The following RNF2 variants were observed in gnomAD, a reference collection of about 807,000 sequenced individuals.
RNF2 encodes the protein ring finger protein 2, also known as E3 ubiquitin-protein ligase RING2.
RNF2 carries 6 observed loss-of-function variants against 37.2 expected under a neutral mutation model. That is an observed-to-expected ratio of 0.16 (90% CI 0.09 to 0.32). RNF2 has a LOEUF of 0.32. Ranked by LOEUF, RNF2 falls within the 10% of genes least tolerant of loss-of-function variation. The pLI is 1.00. For synonymous variants in RNF2, 133 were observed against 132.7 expected (o/e 1.00, Z -0.02); for missense variants, 251 against 404.0 (o/e 0.62, Z 3.25).
intron 1 of RNF2, among the ~76,000 whole-genome samples, chr1:185,048,876 A>G (rs1242004885): frequency 6.6e-6 from 1 of 152,072 alleles, no homozygotes; most frequent in Non-Finnish European, 1.5e-5. Flanking sequence ...TGTTTCTTTG[A>G]GCACTGCGTG....
chr1:185,055,805 T>C (rs972264077), intron 1 of RNF2, among the ~76,000 whole-genome samples: 10 of 152,216 alleles, frequency 6.6e-5, no homozygotes, highest in Non-Finnish European at 1.0e-4. Context: ...GGAAGTTATA[T>C]CTGTTGTTTA....
chr1:185,076,440 G>A (rs1651167670), intron 1 of RNF2, among the ~76,000 whole-genome samples: 1 of 150,842 alleles, frequency 6.6e-6, no homozygotes, highest in East Asian at 1.9e-4. Context: ...ACAGGCGCGT[G>A]CCTCCATGCC....
intron 1 of RNF2, among the ~76,000 whole-genome samples, chr1:185,050,486 T>C (rs1015367273): frequency 6.6e-6 from 1 of 152,244 alleles, no homozygotes; most frequent in Non-Finnish European, 1.5e-5. Flanking sequence ...CACATAATTA[T>C]TATTTTGTAT....
At position 185,098,234 on chromosome 1, in the gene RNF2, T is replaced by C. The variant is rs1651968460; in HGVS notation, c.627T>C (p.Asn209=). ...TSDDSGLELD[N]NNAAMAIDPV... ...ATGATTCTGGGCTAGAGCTTGATAA[T>C]AACAATGCAGCAATGGCAATTGATC... Residue 209 remains asparagine, a synonymous_variant, in exon 5 of 7, where the codon AAT becomes AAC. Transcript: ENST00000367510. The C allele has an allele frequency of 3.1e-6, 5 of 1,614,154 alleles. No individual in the cohort carries two copies. Among genetic ancestry groups the C allele is most frequent in the East Asian group, 2.2e-5 (1 of 44,882 alleles).
At chr1:185,063,346 C>T (rs571823601) in intron 1 of RNF2, among the ~76,000 whole-genome samples, 1 of 152,146 alleles carries the variant, frequency 6.6e-6, no homozygotes, top group Non-Finnish European at 1.5e-5. Flanking sequence ...GAAATGCAAC[C>T]TTGGTATCAG....
intron 3 of RNF2, among the ~76,000 whole-genome samples, 167 bp from the exon 4 acceptor site, chr1:185,092,893 AC>A (rs1651810204): frequency 6.6e-6 from 1 of 152,240 alleles, no homozygotes; most frequent in East Asian, 1.9e-4. Flanking sequence ...AATCTTGCTT[AC>A]CCACTAGTCA....
chr1:185,101,654 A>C lies in RNF2; in HGVS notation c.*1353A>C, dbSNP rs1652080047. 1 of 152,310 alleles carries C rather than the reference A, an allele frequency of 6.6e-6. No homozygotes were observed. The highest frequency in any genetic ancestry group is 2.4e-5 in the African/African-American group (1 of 41,448). 9.4% of individuals were successfully genotyped at this position (152,310 alleles called of 1,614,324 possible). On this transcript the variant is annotated 3_prime_UTR_variant, in exon 7 of 7. Coordinates refer to ENST00000367510, the MANE Select transcript of RNF2 (RefSeq NM_007212.4). ...CCCTAAAGGGTTTTCAATAGGGTGT[A>C]GACCTCCAGTACCTTTGTAACTAAA...
intron 1 of RNF2, among the ~76,000 whole-genome samples, chr1:185,071,358 G>A (rs748883460): frequency 2.6e-5 from 4 of 152,246 alleles, no homozygotes; most frequent in Admixed American, 2.6e-4. Context: ...AGATTAAGAC[G>A]AGGGAAGCCA....
intron 1 of RNF2, among the ~76,000 whole-genome samples, chr1:185,069,715 G>A (rs1400899556): frequency 6.6e-6 from 1 of 152,176 alleles, no homozygotes; most frequent in East Asian, 1.9e-4. Flanking sequence ...GAGCTAGGGA[G>A]GAGGGTAATC....
intron 2 of RNF2, among the ~76,000 whole-genome samples, chr1:185,087,953 A>G (rs1329956223): frequency 6.6e-6 from 1 of 152,216 alleles, no homozygotes; most frequent in Non-Finnish European, 1.5e-5. Flanking sequence ...AAGTTGGGCA[A>G]GTCCTCCTTG....
At chr1:185,075,775 C>T (rs1214252181) in intron 1 of RNF2, among the ~76,000 whole-genome samples, 3 of 152,196 alleles carry the variant, frequency 2.0e-5, no homozygotes, top group Non-Finnish European at 2.9e-5. Flanking sequence ...CAGTCACCTC[C>T]CACCAGGCCC....
chr1:185,087,663 A>G, intron 2 of RNF2, 23 bp downstream of exon 2: 1 of 1,552,542 alleles, frequency 6.4e-7, no homozygotes, highest in Non-Finnish European at 8.9e-7. Context: ...ATGACTGCCA[A>G]GGGGCATATG....
At chr1:185,083,701 GATCTC>G (rs1287110487) in intron 1 of RNF2, among the ~76,000 whole-genome samples, 1 of 138,990 alleles carries the variant, frequency 7.2e-6, no homozygotes, top group Admixed American at 7.1e-5. Context: ...GCAGTGGTGT[GATCTC>G]AGCTCACTAC....
chr1:185,050,375 C>A (rs773597103), intron 1 of RNF2, among the ~76,000 whole-genome samples: 14 of 152,246 alleles, frequency 9.2e-5, no homozygotes, highest in Non-Finnish European at 1.9e-4. Context: ...TATAACTACT[C>A]TTTTTATCTT....
At chr1:185,092,474 C>T (rs532897152) in intron 3 of RNF2, among the ~76,000 whole-genome samples, 4 of 152,224 alleles carry the variant, frequency 2.6e-5, no homozygotes, top group Admixed American at 1.3e-4. Flanking sequence ...CGTGCCTAGC[C>T]GAGAAATACA....
At chr1:185,062,988 A>C (rs992871737) in intron 1 of RNF2, among the ~76,000 whole-genome samples, 44 of 152,186 alleles carry the variant, frequency 2.9e-4, no homozygotes, top group African/African-American at 1.0e-3. Context: ...TTGGTATAAT[A>C]ATTTAGCAGT....
intron 2 of RNF2, among the ~76,000 whole-genome samples, chr1:185,090,025 G>A (rs986380888): frequency 1.3e-5 from 2 of 152,046 alleles, no homozygotes; most frequent in Non-Finnish European, 2.9e-5. Flanking sequence ...AGATTCAAAT[G>A]ATTCTCCTGC....
chr1:185,100,001 A>T (rs771073687), intron 6 of RNF2, 39 bp downstream of exon 6: 4 of 1,559,404 alleles, frequency 2.6e-6, no homozygotes, highest in Non-Finnish European at 3.5e-6. Flanking sequence ...AACTGGGAGC[A>T]CACTGACCAA....
chr1:185,092,850 C>T (rs893421522), intron 3 of RNF2, among the ~76,000 whole-genome samples: 4 of 151,914 alleles, frequency 2.6e-5, no homozygotes, highest in African/African-American at 4.8e-5. Flanking sequence ...TTTTTTCTTT[C>T]GACGAGTGGT....
Sources: gnomAD v4.1 joint callset for allele counts (sites outside exome capture counted in the v4.1 genomes callset) on GRCh38, gnomAD v4.1.1 for gene constraint, MANE v1.5 for transcripts, NCBI Gene and HGNC (gene_info 2026-07-23, HGNC 2026-07-21) for gene names.